NAV3: variants seen among roughly 807,000 people sequenced by gnomAD.
NAV3 encodes the protein pore membrane and/or filament interacting like protein 1.
Under a neutral mutation model 244.7 loss-of-function variants are expected in NAV3, and 87 were observed. The observed-to-expected ratio is 0.36, with a 90% CI of 0.30 to 0.42. The LOEUF is 0.42. NAV3 is among the 20% of genes least tolerant of loss of function. The pLI, the probability that NAV3 is intolerant of heterozygous loss-of-function variation, is 1.00. For missense variants in NAV3, 2,663 were observed against 2,893.3 expected (o/e 0.92, Z 1.83); for synonymous variants, 1,126 against 1,042.2 (o/e 1.08, Z -1.55).
At chr12:77,929,789 C>T (rs1177954021) in intron 1 of NAV3, among the ~76,000 whole-genome samples, 3 of 145,652 alleles carry the variant, frequency 2.1e-5, no homozygotes, top group Non-Finnish European at 4.5e-5. Flanking sequence ...CCCGCCACCA[C>T]GGCCAGCTAT....
intron 16 of NAV3, among the ~76,000 whole-genome samples, chr12:78,124,387 G>A (rs993928503): frequency 6.6e-6 from 1 of 152,038 alleles, no homozygotes; most frequent in East Asian, 1.9e-4. Flanking sequence ...TTCTTTTTAA[G>A]CAGATTTATT....
At chr12:77,987,230 A>T (rs1870674925) in intron 5 of NAV3, among the ~76,000 whole-genome samples, 2 of 152,204 alleles carry the variant, frequency 1.3e-5, no homozygotes, top group South Asian at 4.1e-4. Flanking sequence ...CAATAAAAAT[A>T]CTTCAATTGA....
chr12:78,189,362 T>C (rs1204098443), intron 33 of NAV3, among the ~76,000 whole-genome samples: 3 of 151,860 alleles, frequency 2.0e-5, no homozygotes, highest in Non-Finnish European at 4.4e-5. Context: ...GAGGAATTTG[T>C]CAATATTTGA....
intron 5 of NAV3, among the ~76,000 whole-genome samples, chr12:77,984,907 C>T (rs928229271): frequency 6.6e-5 from 10 of 152,172 alleles, no homozygotes; most frequent in African/African-American, 2.2e-4. Context: ...ACTCCCACCT[C>T]CTGGGTTCAA....
chr12:78,200,234 T>C (rs1479590417), intron 37 of NAV3, among the ~76,000 whole-genome samples: 2 of 152,210 alleles, frequency 1.3e-5, no homozygotes, highest in Admixed American at 1.3e-4. Context: ...ATTATGACTT[T>C]TATCATTTCT....
At chr12:77,640,141 A>G (rs1013818329) in intron 2 of NAV3, among the ~76,000 whole-genome samples, 1 of 152,182 alleles carries the variant, frequency 6.6e-6, no homozygotes. Context: ...TAACAAAATT[A>G]TGGTATTAAA....
intron 21 of NAV3, among the ~76,000 whole-genome samples, chr12:78,146,839 C>T (rs1244701244): frequency 6.6e-6 from 1 of 152,036 alleles, no homozygotes; most frequent in Non-Finnish European, 1.5e-5. Context: ...CCTCTAACTG[C>T]CATTTTATGT....
chr12:77,666,034 TTTAA>T (rs1286013596), intron 2 of NAV3, among the ~76,000 whole-genome samples: 1 of 152,266 alleles, frequency 6.6e-6, no homozygotes, highest in Admixed American at 6.5e-5. Context: ...TAATTATGAC[TTTAA>T]TTAGTTTATT....
At chr12:77,768,982 G>C (rs1397654918) in intron 2 of NAV3, among the ~76,000 whole-genome samples, 1 of 152,194 alleles carries the variant, frequency 6.6e-6, no homozygotes, top group Non-Finnish European at 1.5e-5. Flanking sequence ...AGCACTTAGT[G>C]AATCTTTACA....
intron 2 of NAV3, among the ~76,000 whole-genome samples, chr12:77,651,677 G>C (rs1206649138): frequency 6.6e-6 from 1 of 152,038 alleles, no homozygotes; most frequent in Non-Finnish European, 1.5e-5. Context: ...CCAAGCTGGT[G>C]GTTATTATTT....
At chr12:78,177,869 T>C (rs534257064) in intron 28 of NAV3, among the ~76,000 whole-genome samples, 184 bp downstream of exon 28, 1 of 152,214 alleles carries the variant, frequency 6.6e-6, no homozygotes, top group East Asian at 1.9e-4. Flanking sequence ...TTGATTCTAT[T>C]AGTTAATCTA....
chr12:77,798,465 A>G (rs570213788), intron 2 of NAV3, among the ~76,000 whole-genome samples: 4 of 152,252 alleles, frequency 2.6e-5, no homozygotes, highest in African/African-American at 7.2e-5. Context: ...CTTTATAGCA[A>G]TTATGAAGAG....
At chr12:77,712,286 A>C (rs1180146879) in intron 2 of NAV3, among the ~76,000 whole-genome samples, 1 of 152,194 alleles carries the variant, frequency 6.6e-6, no homozygotes, top group East Asian at 1.9e-4. Flanking sequence ...TCTACCATTT[A>C]CATAGAGGGA....
At position 78,185,674 on chromosome 12, in the gene NAV3, A is replaced by G. The variant is rs1958682410; in HGVS notation, c.5766A>G (p.Ile1922Met). 4 of 1,608,108 alleles carry G rather than the reference A, an allele frequency of 2.5e-6. No individual in the cohort carries two copies. In the South Asian group the frequency reaches 4.4e-5, roughly 18 times the overall value. The change falls in exon 31 of 40, where the codon ATA becomes ATG. Residue 1922 changes from isoleucine to methionine, a missense_variant. Physicochemically the swap from Ile to Met is conservative, Grantham distance 10. This residue lies in a region of NAV3 where 543 missense variants were observed against 672.4 expected (regional missense o/e 0.81). Coordinates refer to ENST00000397909, the MANE Select transcript of NAV3 (RefSeq NM_001024383.2). ...DGRSVKIIVS[I>M]SKGYGRAKDQ... ...GCAGTGTGAAAATTATAGTCTCCAT[A>G]AGCAAGGGCTATGGTCGAGCAAAGG...
intron 31 of NAV3, 79 bp from the exon 32 acceptor site, chr12:78,188,169 A>C: frequency 9.4e-7 from 1 of 1,067,694 alleles, no homozygotes. Flanking sequence ...CAACTACATT[A>C]ACTAATTTTA....
intron 8 of NAV3, among the ~76,000 whole-genome samples, chr12:78,012,059 A>G (rs924814420): frequency 3.3e-5 from 5 of 152,158 alleles, no homozygotes; most frequent in Admixed American, 1.3e-4. Flanking sequence ...TCAGATCACA[A>G]TTTGAGATGA....
intron 2 of NAV3, among the ~76,000 whole-genome samples, chr12:77,750,242 A>G (rs999533790): frequency 6.6e-6 from 1 of 152,044 alleles, no homozygotes; most frequent in African/African-American, 2.4e-5. Flanking sequence ...AGTCCCAGCT[A>G]CTCCGGAGGC....
At chr12:77,802,327 AAT>A (rs1161028479) in intron 2 of NAV3, among the ~76,000 whole-genome samples, 1 of 152,242 alleles carries the variant, frequency 6.6e-6, no homozygotes, top group Non-Finnish European at 1.5e-5. Context: ...TTTCTAAAGC[AAT>A]ATAATTTGTC....
At chr12:78,043,058 T>C (rs948944586) in intron 9 of NAV3, among the ~76,000 whole-genome samples, 2 of 152,104 alleles carry the variant, frequency 1.3e-5, no homozygotes, top group African/African-American at 4.8e-5. Flanking sequence ...CATTAGGTAT[T>C]TCCCCTAATG....
Sources: gnomAD v4.1 joint callset for allele counts (sites outside exome capture counted in the v4.1 genomes callset) on GRCh38, gnomAD v4.1.1 for gene constraint, gnomAD v4.1.1 regional missense constraint, MANE v1.5 for transcripts, NCBI Gene and HGNC (gene_info 2026-07-23, HGNC 2026-07-21) for gene names.